Variants in MED13L observed in about 807,000 individuals in gnomAD.
The protein encoded by MED13L is mediator complex subunit 13L.
MED13L carries 7 observed loss-of-function variants against 220.9 expected under a neutral mutation model. The observed-to-expected ratio is 0.03, with a 90% CI of 0.02 to 0.06. The LOEUF (loss-of-function observed/expected upper bound fraction) is 0.06. MED13L is among the 10% of genes least tolerant of loss of function. The probability of loss-of-function intolerance (pLI) is 1.00; values close to 1 mark genes in which losing one functional copy is unlikely to be tolerated. For synonymous variants in MED13L, 1,011 were observed against 1,015.2 expected (o/e 1.00, Z 0.08); for missense variants, 1,965 against 2,760.5 (o/e 0.71, Z 6.46).
intron 29 of MED13L, 38 bp downstream of exon 29, chr12:115,966,044 T>C (rs767559530): frequency 6.2e-7 from 1 of 1,607,436 alleles, no homozygotes; most frequent in South Asian, 1.1e-5. Context: ...CGTAAATCAC[T>C]CATTCCTTGC....
chr12:116,175,672 C>T (rs1481188615), intron 2 of MED13L, among the ~76,000 whole-genome samples: 1 of 151,940 alleles, frequency 6.6e-6, no homozygotes, highest in Non-Finnish European at 1.5e-5. Context: ...GATGAGGACC[C>T]AGAAAAGCAG....
intron 4 of MED13L, among the ~76,000 whole-genome samples, chr12:116,026,834 T>C (rs899836101): frequency 6.6e-6 from 1 of 152,142 alleles, no homozygotes; most frequent in Admixed American, 6.5e-5. Context: ...ATAGCACTGC[T>C]TGTAATAAAG....
At position 116,124,152 on chromosome 12, in the gene MED13L, C is replaced by CAGAGAGAGACAGAGAGAGACAGAG. The variant is rs1555213761; in HGVS notation, c.311-12641_311-12640insCTCTGTCTCTCTCTGTCTCTCTCT. Among the ~76,000 whole-genome samples, 115 of 108,620 alleles carry CAGAGAGAGACAGAGAGAGACAGAG rather than the reference C, an allele frequency of 1.1e-3. No homozygotes were observed. In the East Asian group the frequency reaches 0.018, roughly 17 times the overall value. The allele number at this position is 108,620 out of a possible 152,430, so 71.3% of individuals were successfully genotyped here. A position where few individuals can be genotyped will look rare whatever the true frequency, so the allele number is the denominator to read the frequency against. On this transcript the variant is annotated intron_variant, in intron 2 of 30. Coordinates refer to ENST00000281928, the MANE Select transcript of MED13L (RefSeq NM_015335.5). ...AGAGAGAGAGAGAGAGAGAGAGAGA[C>CAGAGAGAGACAGAGAGAGACAGAG]AGAGACAGAGAGAGACAGAGAGAGA...
chr12:116,139,733 G>A (rs963680376), intron 2 of MED13L, among the ~76,000 whole-genome samples: 5 of 152,038 alleles, frequency 3.3e-5, no homozygotes, highest in African/African-American at 7.2e-5. Context: ...GGTGGCTCAC[G>A]TCTGTAATGC....
At chr12:115,970,816 G>GA in intron 26 of MED13L, 46 bp from the exon 27 acceptor site, 1 of 1,568,386 alleles carries the variant, frequency 6.4e-7, no homozygotes, top group Non-Finnish European at 8.7e-7. Flanking sequence ...AACAACCCCA[G>GA]AAATGAGGTT....
intron 26 of MED13L, 27 bp downstream of exon 26, chr12:115,972,051 T>C: frequency 1.2e-6 from 2 of 1,612,258 alleles, no homozygotes; most frequent in Non-Finnish European, 1.7e-6. Flanking sequence ...GATATGTAAT[T>C]AATGACAATG....
intron 4 of MED13L, among the ~76,000 whole-genome samples, chr12:116,076,463 G>C (rs1189148374): frequency 2.6e-5 from 4 of 152,178 alleles, no homozygotes; most frequent in Non-Finnish European, 5.9e-5. Context: ...CTTGAGCCCA[G>C]GAGTTGGAGG....
In MED13L at chr12:115,975,753, A is replaced by C. The variant is rs1404193983; in HGVS notation, c.5365-15T>G. 1.2e-6 allele frequency: 2 copies of C among 1,606,706 alleles called. No homozygotes were observed. Among genetic ancestry groups the C allele is most frequent in the Admixed American group, 1.7e-5 (1 of 59,978 alleles). On this transcript the variant is annotated splice_polypyrimidine_tract_variant and intron_variant, in intron 23 of 30. Coordinates refer to ENST00000281928, the MANE Select transcript of MED13L (RefSeq NM_015335.5). ...GGGCTGGGCCGCTGAAATCAAAACCAAAATCAATATCAGTACAAAGCCATA... is the reference window on the plus strand; with the variant it reads ...GGGCTGGGCCGCTGAAATCAAAACCCAAATCAATATCAGTACAAAGCCATA...
chr12:115,980,884 T>A lies in MED13L; in HGVS notation c.5230A>T (p.Ile1744Phe), dbSNP rs575139350. 1.2e-6 allele frequency: 2 copies of A among 1,613,408 alleles called. No homozygotes were observed. The highest frequency in any genetic ancestry group is 2.2e-5 in the South Asian group (2 of 91,068). The change falls in exon 23 of 31, where the codon ATT (isoleucine) becomes TTT (phenylalanine). Residue 1744 changes from isoleucine to phenylalanine, a missense_variant. Physicochemically the swap from Ile to Phe is conservative, Grantham distance 21. Transcript: ENST00000281928. Reference protein sequence around the residue: ...QTMKDEQVFYIQYLKSMAFSV... With the variant: ...QTMKDEQVFYFQYLKSMAFSV... ...AATGCCATGGACTTCAAGTATTGAA[T>A]GTAGAAAACTTGCTCATCCTTCATT...
intron 2 of MED13L, among the ~76,000 whole-genome samples, chr12:116,155,925 G>A (rs1878388973): frequency 6.6e-6 from 1 of 152,058 alleles, no homozygotes; most frequent in South Asian, 2.1e-4. Context: ...ATTAGAAATA[G>A]TAAGGTGGAG....
At chr12:116,033,437 T>C (rs1197793534) in intron 4 of MED13L, among the ~76,000 whole-genome samples, 2 of 152,182 alleles carry the variant, frequency 1.3e-5, no homozygotes, top group Non-Finnish European at 2.9e-5. Context: ...CTTAGGGAAG[T>C]TTATTCAAGT....
intron 17 of MED13L, among the ~76,000 whole-genome samples, chr12:115,987,869 G>C (rs117215965): frequency 2.1e-3 from 322 of 152,286 alleles, no homozygotes; most frequent in Non-Finnish European, 3.2e-3. Context: ...GGGATTCACT[G>C]CCTTCTAAAT....
chr12:116,074,306 A>C (rs1207727298), intron 4 of MED13L, among the ~76,000 whole-genome samples: 1 of 152,154 alleles, frequency 6.6e-6, no homozygotes, highest in Non-Finnish European at 1.5e-5. Flanking sequence ...GAAGCAGGAG[A>C]ATTCCTTGAA....
chr12:116,097,416 G>T (rs1317983028), intron 3 of MED13L, among the ~76,000 whole-genome samples: 1 of 152,172 alleles, frequency 6.6e-6, no homozygotes, highest in African/African-American at 2.4e-5. Context: ...AAAGTGCTGG[G>T]ATTATAGGTG....
intron 27 of MED13L, among the ~76,000 whole-genome samples, chr12:115,969,839 G>T (rs1876459222): frequency 6.6e-6 from 1 of 151,918 alleles, no homozygotes; most frequent in Non-Finnish European, 1.5e-5. Flanking sequence ...TTTTCATTAA[G>T]AAATCCTCCC....
chr12:116,130,729 C>T (rs1875995642), intron 2 of MED13L, among the ~76,000 whole-genome samples: 1 of 152,098 alleles, frequency 6.6e-6, no homozygotes, highest in South Asian at 2.1e-4. Flanking sequence ...AGTTCTACAA[C>T]AGACAATGCA....
intron 2 of MED13L, among the ~76,000 whole-genome samples, chr12:116,127,769 G>A (rs1057151710): frequency 6.6e-6 from 1 of 152,160 alleles, no homozygotes; most frequent in African/African-American, 2.4e-5. Flanking sequence ...TTATTCATGA[G>A]AGCCAAAGTA....
intron 2 of MED13L, among the ~76,000 whole-genome samples, chr12:116,191,989 T>C (rs1037440846): frequency 1.3e-5 from 2 of 152,226 alleles, no homozygotes; most frequent in Non-Finnish European, 2.9e-5. Context: ...ATTAATTATC[T>C]TAATGACAAT....
At chr12:116,102,787 T>C (rs1873202704) in intron 3 of MED13L, among the ~76,000 whole-genome samples, 2 of 143,376 alleles carry the variant, frequency 1.4e-5, no homozygotes, top group Admixed American at 7.3e-5. Context: ...AGTGGCGTGA[T>C]CTTGGCTCAC....
Sources: gnomAD v4.1 joint callset for allele counts (sites outside exome capture counted in the v4.1 genomes callset) on GRCh38, gnomAD v4.1.1 for gene constraint, MANE v1.5 for transcripts, NCBI Gene and HGNC (gene_info 2026-07-23, HGNC 2026-07-21) for gene names.